Variants in TNFAIP8L3 observed in about 807,000 individuals in gnomAD.
The protein encoded by TNFAIP8L3 is tumor necrosis factor alpha-induced protein 8-like protein 3.
TNFAIP8L3 carries 7 observed loss-of-function variants against 11.8 expected under a neutral mutation model. That is an observed-to-expected ratio of 0.59 (90% CI 0.34 to 1.11). The LOEUF is 1.11. Among genes scored for constraint, TNFAIP8L3 ranks in the 50% most tolerant of loss-of-function variants. TNFAIP8L3 has a pLI of 0.03. For synonymous variants in TNFAIP8L3, 98 were observed against 103.8 expected, an observed-to-expected ratio of 0.94 and a Z score of 0.34; for missense variants, 219 against 258.6, an observed-to-expected ratio of 0.85 and a Z score of 1.05.
At chr15:51,076,948 G>C (rs2065355262) in intron 1 of TNFAIP8L3, among the ~76,000 whole-genome samples, 1 of 152,124 alleles carries the variant, frequency 6.6e-6, no homozygotes, top group Admixed American at 6.5e-5. Context: ...GATGCCTGTG[G>C]AGAGGTCCTC....
At chr15:51,071,008 G>A (rs1437840944) in intron 1 of TNFAIP8L3, among the ~76,000 whole-genome samples, 3 of 120,478 alleles carry the variant, frequency 2.5e-5, no homozygotes, top group African/African-American at 6.3e-5. Flanking sequence ...CCGAGATCCC[G>A]CCACTGCACT....
At chr15:51,082,204 T>A (rs1682260384) in intron 1 of TNFAIP8L3, among the ~76,000 whole-genome samples, 1 of 152,170 alleles carries the variant, frequency 6.6e-6, no homozygotes, top group African/African-American at 2.4e-5. Context: ...CAAACCTAGA[T>A]GGTCAAGCCC....
At position 51,058,226 on chromosome 15, in the gene TNFAIP8L3, G is replaced by A. The variant is rs1302548210; in HGVS notation, c.270C>T (p.Ile90=). ...GGCTAAACTGGTTGTTCCGGTAGAGGATCCCGATTTTGATCGCCACCTTGA... is the reference window on the plus strand; with the variant it reads ...GGCTAAACTGGTTGTTCCGGTAGAGAATCCCGATTTTGATCGCCACCTTGA... ...DLIKVAIKIG[I]LYRNNQFSQE... Residue 90 remains isoleucine, a synonymous_variant, in exon 2 of 2, where the codon ATC becomes ATT. Transcript: ENST00000637513. 1.9e-6 allele frequency: 3 copies of A among 1,614,214 alleles called. No individual in the cohort carries two copies. The highest frequency in any genetic ancestry group is 4.5e-5 in the East Asian group (2 of 44,888).
At chr15:51,061,190 T>TG (rs1171925906) in intron 1 of TNFAIP8L3, among the ~76,000 whole-genome samples, 1 of 152,188 alleles carries the variant, frequency 6.6e-6, no homozygotes, top group Non-Finnish European at 1.5e-5. Flanking sequence ...TTTTTTGAGA[T>TG]GGGGGTCTCA....
chr15:51,091,848 A>C (rs1049712561), intron 1 of TNFAIP8L3, among the ~76,000 whole-genome samples: 1 of 152,248 alleles, frequency 6.6e-6, no homozygotes, highest in Non-Finnish European at 1.5e-5. Flanking sequence ...TTTATATTTT[A>C]AAACACTAGA....
intron 1 of TNFAIP8L3, among the ~76,000 whole-genome samples, chr15:51,072,367 T>A (rs2065315295): frequency 6.6e-6 from 1 of 152,188 alleles, no homozygotes; most frequent in Non-Finnish European, 1.5e-5. Context: ...CTCGAACTCC[T>A]GATCTCAAGT....
chr15:51,069,426 A>G (rs995739794), intron 1 of TNFAIP8L3: 2 of 152,258 alleles, frequency 1.3e-5, no homozygotes, highest in Non-Finnish European at 2.9e-5. Context: ...AATGCCTTAC[A>G]TTGAATAATT....
intron 1 of TNFAIP8L3, among the ~76,000 whole-genome samples, chr15:51,100,881 T>C (rs2065546047): frequency 6.6e-6 from 1 of 152,134 alleles, no homozygotes; most frequent in South Asian, 2.1e-4. Flanking sequence ...AGAATTTGGA[T>C]CTTGTGCCAG....
At chr15:51,077,854 G>T (rs370563767) in intron 1 of TNFAIP8L3, among the ~76,000 whole-genome samples, 56 of 152,326 alleles carry the variant, frequency 3.7e-4, no homozygotes, top group African/African-American at 1.3e-3. Flanking sequence ...AGTCTGTGAG[G>T]TGGAAGCCTG....
intron 1 of TNFAIP8L3, among the ~76,000 whole-genome samples, chr15:51,068,292 G>A (rs938707907): frequency 6.6e-6 from 1 of 152,058 alleles, no homozygotes; most frequent in African/African-American, 2.4e-5. Flanking sequence ...CTTGGAGGAG[G>A]AGCCAGCCTG....
chr15:51,078,254 T>C (rs2065368553), intron 1 of TNFAIP8L3, among the ~76,000 whole-genome samples: 1 of 147,518 alleles, frequency 6.8e-6, no homozygotes, highest in African/African-American at 2.5e-5. Flanking sequence ...TGAGGAGTGT[T>C]TGGAAACATG....
intron 1 of TNFAIP8L3, among the ~76,000 whole-genome samples, chr15:51,084,638 G>A (rs145960483): frequency 1.2e-4 from 18 of 152,266 alleles, no homozygotes; most frequent in East Asian, 1.2e-3. Context: ...CGAGTGACTC[G>A]GTGGCTGTCA....
intron 1 of TNFAIP8L3, among the ~76,000 whole-genome samples, chr15:51,079,808 C>T (rs1485939650): frequency 6.9e-6 from 1 of 144,410 alleles, no homozygotes; most frequent in African/African-American, 2.6e-5. Context: ...ATGATCATGC[C>T]ACTGCACTCT....
chr15:51,084,492 A>G (rs1280660755), intron 1 of TNFAIP8L3, among the ~76,000 whole-genome samples: 1 of 152,216 alleles, frequency 6.6e-6, no homozygotes, highest in Non-Finnish European at 1.5e-5. Flanking sequence ...GATTGGGATA[A>G]TTTAATCTCT....
chr15:51,078,627 T>G lies in TNFAIP8L3; in HGVS notation c.52+15917A>C, dbSNP rs576173549. On this transcript the variant is annotated intron_variant, in intron 1 of 1. Transcript: ENST00000637513. ...GCATGTTCCCCAGTCCAGGGGACTCTCCCATCCATAACTGCTTGCCTGATC... is the reference window on the plus strand; with the variant it reads ...GCATGTTCCCCAGTCCAGGGGACTCGCCCATCCATAACTGCTTGCCTGATC... Among the ~76,000 whole-genome samples, 18 of 152,058 alleles carry G rather than the reference T, an allele frequency of 1.2e-4. 1 individual carries two copies. The South Asian group carries it at 3.1e-3, about 26-fold the overall frequency.
chr15:51,059,945 C>A (rs1232532870), intron 1 of TNFAIP8L3, among the ~76,000 whole-genome samples: 2 of 152,238 alleles, frequency 1.3e-5, no homozygotes, highest in African/African-American at 4.8e-5. Flanking sequence ...ACAGTCCCAG[C>A]AAGCTCTCTT....
At chr15:51,095,729 C>T (rs188447854), upstream of TNFAIP8L3, among the ~76,000 whole-genome samples, 540 of 152,206 alleles carry the variant, frequency 3.5e-3, 14 homozygotes, top group Non-Finnish European at 8.2e-4. Flanking sequence ...AGCACCGAGG[C>T]CTTTTTTGTT....
chr15:51,079,662 T>G (rs1473028922), intron 1 of TNFAIP8L3, among the ~76,000 whole-genome samples: 1 of 152,040 alleles, frequency 6.6e-6, no homozygotes, highest in African/African-American at 2.4e-5. Flanking sequence ...AAAATTATTT[T>G]CAAAGTAATA....
At chr15:51,072,653 C>T (rs576805496) in intron 1 of TNFAIP8L3, among the ~76,000 whole-genome samples, 13 of 152,040 alleles carry the variant, frequency 8.6e-5, no homozygotes, top group Non-Finnish European at 1.5e-4. Context: ...GAATCTTTTT[C>T]TCCCCACGAT....
Sources: allele counts gnomAD v4.1 joint callset (sites outside exome capture counted in the v4.1 genomes callset), GRCh38; gene constraint gnomAD v4.1.1; transcripts MANE v1.5; gene names NCBI Gene and HGNC (gene_info 2026-07-23, HGNC 2026-07-21).